The following ST6GALNAC3 variants were observed in gnomAD, a reference collection of about 807,000 sequenced individuals.
The protein encoded by ST6GALNAC3 is ST6 N-acetylgalactosaminide alpha-2,6-sialyltransferase 3.
Under a neutral mutation model 32.7 loss-of-function variants are expected in ST6GALNAC3, and 25 were observed. That is an observed-to-expected ratio of 0.76 (90% CI 0.56 to 1.07). The LOEUF is 1.07. Ranked by LOEUF, ST6GALNAC3 falls within the 50% of genes least tolerant of loss-of-function variation. ST6GALNAC3 has a pLI of 0.00. For synonymous variants in ST6GALNAC3, 129 were observed against 133.1 expected, an observed-to-expected ratio of 0.97 and a Z score of 0.21; for missense variants, 355 against 382.4, an observed-to-expected ratio of 0.93 and a Z score of 0.60.
chr1:76,430,712 G>A (rs1232951586), intron 3 of ST6GALNAC3, among the ~76,000 whole-genome samples: 1 of 152,092 alleles, frequency 6.6e-6, no homozygotes, highest in African/African-American at 2.4e-5. Flanking sequence ...TACAGTTCCA[G>A]CTGGCCAATG....
chr1:76,121,858 A>G (rs917019567), intron 1 of ST6GALNAC3, among the ~76,000 whole-genome samples: 1 of 152,008 alleles, frequency 6.6e-6, no homozygotes, highest in Non-Finnish European at 1.5e-5. Flanking sequence ...TTGGCCTTAC[A>G]TTTCTGAGCT....
chr1:76,230,231 T>G (rs139298269), intron 1 of ST6GALNAC3, among the ~76,000 whole-genome samples: 5 of 152,210 alleles, frequency 3.3e-5, no homozygotes, highest in Admixed American at 3.3e-4. Flanking sequence ...AGCGTTAAGA[T>G]GAGAAGTTGA....
rs181182023 is a variant in ST6GALNAC3, at chr1:76,343,010, T to C, written c.213+29011T>C. Among the ~76,000 whole-genome samples, 926 of 152,250 alleles carry C rather than the reference T, an allele frequency of 6.1e-3. 4 individuals carry two copies. The highest frequency in any genetic ancestry group is 0.021 in the African/African-American group (879 of 41,570). On this transcript the variant is annotated intron_variant, in intron 2 of 4. Transcript: ENST00000328299. ...GATGCATAGATGTAAATATTTTCTC[T>C]CATTTTGTAGGTCGTCTGTTTACTC...
At chr1:76,345,569 A>G (rs944099884) in intron 2 of ST6GALNAC3, among the ~76,000 whole-genome samples, 5 of 152,146 alleles carry the variant, frequency 3.3e-5, no homozygotes, top group African/African-American at 1.2e-4. Flanking sequence ...AGTATTTCTA[A>G]TGATAAAAAT....
At chr1:76,352,211 G>A (rs1054482782) in intron 2 of ST6GALNAC3, among the ~76,000 whole-genome samples, 5 of 152,112 alleles carry the variant, frequency 3.3e-5, no homozygotes, top group East Asian at 1.9e-4. Flanking sequence ...TAATTTGTAA[G>A]TAAATATAGT....
rs1649123775 is a variant in ST6GALNAC3, at chr1:76,628,606, T to C, written c.732-14T>C. ...CTCAATCTTTCTCTCCTTTTCTTTT[T>C]TTTTCTTTTCTAGGACAGAAGGGTA... On this transcript the variant is annotated splice_polypyrimidine_tract_variant and intron_variant, in intron 4 of 4. Transcript: ENST00000328299. 1.3e-6 allele frequency: 2 copies of C among 1,563,444 alleles called. No individual in the cohort carries two copies. Among genetic ancestry groups the C allele is most frequent in the East Asian group, 4.5e-5 (2 of 44,398 alleles).
intron 1 of ST6GALNAC3, among the ~76,000 whole-genome samples, chr1:76,249,856 A>G: frequency 6.6e-6 from 1 of 152,186 alleles, no homozygotes; most frequent in Admixed American, 6.5e-5. Flanking sequence ...GTTGATTAAT[A>G]ATGTTTAACA....
In ST6GALNAC3 at chr1:76,098,603, C is replaced by T. The variant is rs536262542; in HGVS notation, c.18+23719C>T. On this transcript the variant is annotated intron_variant, in intron 1 of 4. Transcript: ENST00000328299. ...GAACTGCCTGTATTAGTCTTTTCCC[C>T]ATTTAAAAAAATGGGTTCTCTTTTA... is the stretch of plus-strand genomic sequence containing the variant. Among the ~76,000 whole-genome samples, 3 of 139,452 alleles carry T rather than the reference C, an allele frequency of 2.2e-5. No homozygotes were observed. The Admixed American group carries it at 2.3e-4, about 10-fold the overall frequency. The allele number at this position is 139,452 out of a possible 152,430, so 91.5% of individuals were successfully genotyped here.
intron 1 of ST6GALNAC3, among the ~76,000 whole-genome samples, chr1:76,271,543 T>C (rs1658843194): frequency 6.6e-6 from 1 of 152,150 alleles, no homozygotes; most frequent in Non-Finnish European, 1.5e-5. Context: ...ACTCACAACA[T>C]ATAAGAACAT....
At chr1:76,085,005 G>C (rs374928575) in intron 1 of ST6GALNAC3, among the ~76,000 whole-genome samples, 24 of 152,086 alleles carry the variant, frequency 1.6e-4, no homozygotes, top group African/African-American at 5.8e-4. Flanking sequence ...GCTAGACTAG[G>C]GTCAGCAAAC....
intron 1 of ST6GALNAC3, among the ~76,000 whole-genome samples, chr1:76,249,635 A>G (rs936324102): frequency 6.6e-6 from 1 of 152,152 alleles, no homozygotes; most frequent in African/African-American, 2.4e-5. Flanking sequence ...GTATATACTT[A>G]GGCTTAAAAG....
At chr1:76,216,633 A>G (rs545483629) in intron 1 of ST6GALNAC3, among the ~76,000 whole-genome samples, 1 of 152,316 alleles carries the variant, frequency 6.6e-6, no homozygotes, top group East Asian at 1.9e-4. Flanking sequence ...CCCTGCATCA[A>G]ACAGGAACAG....
At chr1:76,518,153 C>T (rs1396466863) in intron 3 of ST6GALNAC3, among the ~76,000 whole-genome samples, 1 of 151,496 alleles carries the variant, frequency 6.6e-6, no homozygotes, top group Non-Finnish European at 1.5e-5. Context: ...ATAAGTTGAC[C>T]TTATATTTTT....
intron 2 of ST6GALNAC3, among the ~76,000 whole-genome samples, chr1:76,403,495 A>C (rs1653583288): frequency 6.6e-6 from 1 of 152,128 alleles, no homozygotes; most frequent in African/African-American, 2.4e-5. Flanking sequence ...TTCTAGGAGA[A>C]TGTTTCTCAA....
intron 3 of ST6GALNAC3, among the ~76,000 whole-genome samples, chr1:76,587,522 T>G (rs1303548781): frequency 1.3e-5 from 2 of 152,334 alleles, no homozygotes; most frequent in South Asian, 2.1e-4. Flanking sequence ...GGCAGTGTGA[T>G]GCAGCATATG....
At chr1:76,105,788 C>G (rs1283875095) in intron 1 of ST6GALNAC3, among the ~76,000 whole-genome samples, 2 of 152,116 alleles carry the variant, frequency 1.3e-5, no homozygotes, top group African/African-American at 4.8e-5. Context: ...TAAAATACAT[C>G]CTGGATTGCT....
intron 3 of ST6GALNAC3, among the ~76,000 whole-genome samples, chr1:76,488,120 T>C (rs954571880): frequency 6.6e-6 from 1 of 152,186 alleles, no homozygotes; most frequent in Admixed American, 6.5e-5. Flanking sequence ...TGCTGAAATA[T>C]AATCCCCCAT....
chr1:76,544,469 T>A (rs1429928795), intron 3 of ST6GALNAC3, among the ~76,000 whole-genome samples: 1 of 152,148 alleles, frequency 6.6e-6, no homozygotes, highest in African/African-American at 2.4e-5. Flanking sequence ...CTAGTTGGAT[T>A]TAAAACATAT....
At position 76,122,138 on chromosome 1, in the gene ST6GALNAC3, T is replaced by C. The variant is rs147418843; in HGVS notation, c.18+47254T>C. 5.4e-4 allele frequency among the ~76,000 whole-genome samples: 82 copies of C among 152,314 alleles called. 4 individuals are homozygous for C. The highest frequency in any genetic ancestry group is 1.9e-3 in the African/African-American group (77 of 41,570). Reference sequence around the variant, plus strand: ...CTTGTAAGTGTATCATCTACCTTTCTCCCTCAGAGGGTAGTTCCATGAGGG... The same window carrying C: ...CTTGTAAGTGTATCATCTACCTTTCCCCCTCAGAGGGTAGTTCCATGAGGG... On this transcript the variant is annotated intron_variant, in intron 1 of 4. Transcript: ENST00000328299.
Sources: allele counts gnomAD v4.1 joint callset (sites outside exome capture counted in the v4.1 genomes callset), GRCh38; gene constraint gnomAD v4.1.1; transcripts MANE v1.5; gene names NCBI Gene and HGNC (gene_info 2026-07-23, HGNC 2026-07-21).